Variants in NFATC3 observed in about 807,000 individuals in gnomAD.
The protein encoded by NFATC3 is nuclear factor of activated T-cells, cytoplasmic 3.
A neutral mutation model predicts 98.6 loss-of-function variants in NFATC3; 46 were observed. The ratio of observed to expected loss-of-function variants is 0.47; its 90% CI spans 0.37 to 0.60. The LOEUF (loss-of-function observed/expected upper bound fraction) is 0.60, where lower values mean the gene tolerates loss of function less well. NFATC3 is among the 20% of genes least tolerant of loss of function. The probability of loss-of-function intolerance (pLI) is 0.00; values close to 1 mark genes in which losing one functional copy is unlikely to be tolerated. For synonymous variants in NFATC3, 512 were observed against 472.2 expected, an observed-to-expected ratio of 1.08 and a Z score of -1.09; for missense variants, 1,256 against 1,295.5, an observed-to-expected ratio of 0.97 and a Z score of 0.47.
chr16:68,220,336 C>T (rs2041812588), intron 9 of NFATC3, among the ~76,000 whole-genome samples: 1 of 151,832 alleles, frequency 6.6e-6, no homozygotes, highest in African/African-American at 2.4e-5. Context: ...CCAACCTGGC[C>T]AACATGGCAG....
At chr16:68,211,225 G>C (rs1329733876) in intron 9 of NFATC3, among the ~76,000 whole-genome samples, 1 of 151,934 alleles carries the variant, frequency 6.6e-6, no homozygotes, top group African/African-American at 2.4e-5. Flanking sequence ...GTCTCGCTCT[G>C]TCGCCAGGCT....
chr16:68,222,336 GA>G (rs530820589), intron 9 of NFATC3, among the ~76,000 whole-genome samples: 1,233 of 82,098 alleles, frequency 0.015, 6 homozygotes, highest in Non-Finnish European at 0.025. Flanking sequence ...ATAGAAAAAA[GA>G]AAAAAAAGAG....
chr16:68,148,709 A>G (rs969775400), intron 3 of NFATC3, among the ~76,000 whole-genome samples: 1 of 152,204 alleles, frequency 6.6e-6, no homozygotes, highest in Non-Finnish European at 1.5e-5. Context: ...TAAAAAGTCT[A>G]TAAAAGAAGG....
chr16:68,163,534 G>C (rs1405788489), intron 4 of NFATC3, among the ~76,000 whole-genome samples: 1 of 151,670 alleles, frequency 6.6e-6, no homozygotes, highest in Non-Finnish European at 1.5e-5. Context: ...CGGCTGGCCT[G>C]GTGGGGGCTG....
At chr16:68,104,738 G>A (rs997071077) in intron 1 of NFATC3, among the ~76,000 whole-genome samples, 5 of 148,218 alleles carry the variant, frequency 3.4e-5, no homozygotes, top group South Asian at 4.2e-4. Context: ...TGCAAGCTCC[G>A]CCTCCTGGGT....
At chr16:68,087,584 A>G (rs1208341568) in intron 1 of NFATC3, among the ~76,000 whole-genome samples, 1 of 152,200 alleles carries the variant, frequency 6.6e-6, no homozygotes, top group Non-Finnish European at 1.5e-5. Flanking sequence ...TGAAAAAACA[A>G]ACCTTCTTAA....
intron 1 of NFATC3, among the ~76,000 whole-genome samples, chr16:68,116,036 G>A (rs1051271881): frequency 6.6e-6 from 1 of 151,930 alleles, no homozygotes; most frequent in East Asian, 1.9e-4. Flanking sequence ...AAGGAATAGG[G>A]GTAGTACATG....
intron 2 of NFATC3, among the ~76,000 whole-genome samples, chr16:68,124,187 G>A (rs116298339): frequency 6.3e-4 from 95 of 151,996 alleles, no homozygotes; most frequent in African/African-American, 2.2e-3. Flanking sequence ...CTGCAGGTTC[G>A]ACCTCCCAAG....
At chr16:68,217,588 G>A in intron 9 of NFATC3, 3 of 1,169,932 alleles carry the variant, frequency 2.6e-6, no homozygotes, top group Non-Finnish European at 3.2e-6. Context: ...TTTGTTAATA[G>A]TATTAGCTAA....
intron 3 of NFATC3, among the ~76,000 whole-genome samples, chr16:68,134,795 A>T: frequency 6.6e-6 from 1 of 151,902 alleles, no homozygotes. Context: ...TTGTTTTTTG[A>T]ATTCATGAAT....
At position 68,123,112 on chromosome 16, in the gene NFATC3, C is replaced by T; in HGVS notation, c.1229C>T (p.Pro410Leu). The T allele has an allele frequency of 6.3e-7, 1 of 1,595,200 alleles. No individual in the cohort carries two copies. Among genetic ancestry groups the T allele is most frequent in the Non-Finnish European group, 8.5e-7 (1 of 1,177,132 alleles). The change falls in exon 2 of 10, where the codon CCT becomes CTT. Residue 410 changes from proline (P) to leucine (L), a missense_variant. Pro to Leu is a moderately conservative substitution (Grantham distance 98). Transcript: ENST00000346183. ...TWSKPKPGHTPIFRTSSLPPL... is the reference protein window; with the variant it reads ...TWSKPKPGHTLIFRTSSLPPL... The stretch of plus-strand genomic sequence containing the variant: ...AGCAAACCAAAGCCTGGCCACACCC[C>T]TATATTTCGGTGAGTTGATGGAAAT...
Position 68,134,922 on chromosome 16 carries a change from T to C in NFATC3, c.1401+8312T>C, listed in dbSNP as rs539979716. Reference sequence around the variant, plus strand: ...TGCATGTTTTCTGTAATGTGGTAACTTAATATTAAAGTAAAATAGAGATAA... The same window carrying C: ...TGCATGTTTTCTGTAATGTGGTAACCTAATATTAAAGTAAAATAGAGATAA... On this transcript the variant is annotated intron_variant, in intron 3 of 9. Coordinates refer to ENST00000346183, the MANE Select transcript of NFATC3 (RefSeq NM_173165.3). Among the ~76,000 whole-genome samples, 5 of 152,338 alleles carry C rather than the reference T, an allele frequency of 3.3e-5. No individual in the cohort carries two copies. The South Asian group carries it at 1.0e-3, about 32-fold the overall frequency.
At chr16:68,091,557 A>G (rs1256764297) in intron 1 of NFATC3, among the ~76,000 whole-genome samples, 1 of 152,244 alleles carries the variant, frequency 6.6e-6, no homozygotes, top group African/African-American at 2.4e-5. Flanking sequence ...AATGAGTTGT[A>G]TCACTGATTT....
At chr16:68,103,165 CT>C (rs2035462640) in intron 1 of NFATC3, among the ~76,000 whole-genome samples, 1 of 150,734 alleles carries the variant, frequency 6.6e-6, no homozygotes, top group African/African-American at 2.4e-5. Context: ...TGTCTTTTCA[CT>C]TTTCTTTTTT....
At chr16:68,187,307 G>A (rs1470533645) in intron 8 of NFATC3, among the ~76,000 whole-genome samples, 1 of 152,190 alleles carries the variant, frequency 6.6e-6, no homozygotes, top group African/African-American at 2.4e-5. Context: ...GGCTCAGAGA[G>A]CTCCTAGGTC....
chr16:68,100,210 T>G (rs2035270032), intron 1 of NFATC3, among the ~76,000 whole-genome samples: 1 of 152,176 alleles, frequency 6.6e-6, no homozygotes. Context: ...ATGTGTTGTT[T>G]CTTTTTTTTT....
intron 6 of NFATC3, among the ~76,000 whole-genome samples, chr16:68,179,019 T>C (rs770411122): frequency 6.6e-6 from 1 of 152,208 alleles, no homozygotes; most frequent in African/African-American, 2.4e-5. Context: ...CCTTGCCTCA[T>C]ACTTTATACA....
chr16:68,144,503 TATCATC>T (rs1555517346), intron 3 of NFATC3, among the ~76,000 whole-genome samples: 1 of 152,112 alleles, frequency 6.6e-6, no homozygotes, highest in East Asian at 1.9e-4. Context: ...GTATTATCAT[TATCATC>T]ATCATTATTT....
At chr16:68,194,167 C>T (rs2040560875) in intron 9 of NFATC3, among the ~76,000 whole-genome samples, 1 of 152,188 alleles carries the variant, frequency 6.6e-6, no homozygotes, top group African/African-American at 2.4e-5. Context: ...AGCAGCAGAA[C>T]TGAGACTGGT....
Sources: allele counts gnomAD v4.1 joint callset (sites outside exome capture counted in the v4.1 genomes callset), GRCh38; gene constraint gnomAD v4.1.1; transcripts MANE v1.5; gene names NCBI Gene and HGNC (gene_info 2026-07-23, HGNC 2026-07-21).